Variants in NEDD4L observed in about 807,000 individuals in gnomAD.
The protein encoded by NEDD4L is E3 ubiquitin-protein ligase NEDD4-like.
Under a neutral mutation model 148.9 loss-of-function variants are expected in NEDD4L, and 54 were observed. The observed-to-expected ratio is 0.36, with a 90% CI of 0.29 to 0.45. The LOEUF (loss-of-function observed/expected upper bound fraction) is 0.45. Among genes scored for constraint, NEDD4L ranks in the 20% least tolerant of loss-of-function variants. The pLI, the probability that NEDD4L is intolerant of heterozygous loss-of-function variation, is 1.00. For missense variants in NEDD4L, 856 were observed against 1,233.8 expected, an observed-to-expected ratio of 0.69 and a Z score of 4.59; for synonymous variants, 433 against 440.7, an observed-to-expected ratio of 0.98 and a Z score of 0.22.
chr18:58,380,716 C>G (rs2048228896), intron 24 of NEDD4L, among the ~76,000 whole-genome samples: 1 of 152,136 alleles, frequency 6.6e-6, no homozygotes, highest in African/African-American at 2.4e-5. Flanking sequence ...AATGCTATCC[C>G]TCCCCTAGCC....
At chr18:58,357,123 A>G (rs1333634816) in intron 18 of NEDD4L, 71 bp from the exon 19 acceptor site, 5 of 1,404,278 alleles carry the variant, frequency 3.6e-6, no homozygotes, top group Non-Finnish European at 4.9e-6. Context: ...ACTTCCTTCC[A>G]AAACTTTCTT....
rs532706423 is a variant in NEDD4L at position 58,366,166 on chromosome 18, G to T, written c.2001G>T (p.Trp667Cys). 1.2e-6 allele frequency: 2 copies of T among 1,613,516 alleles called. No individual in the cohort carries two copies. The highest frequency in any genetic ancestry group is 2.2e-5 in the South Asian group (2 of 90,882). ...ACTATGGGGGTGTGGCCAGAGAATG[G>T]TTCTTCTTACTGTCCAAAGAGATGT... ...GLDYGGVARE[W>C]FFLLSKEMFN... The change falls in exon 21 of 31, where the codon TGG becomes TGT. Residue 667 changes from tryptophan to cysteine, a missense_variant. This residue lies in a region of NEDD4L where 286 missense variants were observed against 531.8 expected (regional missense o/e 0.54). Transcript: ENST00000400345. This position sits in a 1 kb window ranked among gnomAD's most constrained non-coding sequence, Gnocchi z 4.2.
At chr18:58,195,481 C>A (rs767867812) in intron 2 of NEDD4L, 7 of 1,343,334 alleles carry the variant, frequency 5.2e-6, no homozygotes, top group East Asian at 4.6e-5. Flanking sequence ...GCTTAAGCCG[C>A]GCGAGGGTGC....
At chr18:58,280,119 GCTGGTCTCAAACTC>G (rs1171791032) in intron 5 of NEDD4L, among the ~76,000 whole-genome samples, 1 of 152,156 alleles carries the variant, frequency 6.6e-6, no homozygotes, top group Admixed American at 6.5e-5. Flanking sequence ...TGTTTCCCGG[GCTGGTCTCAAACTC>G]CTGGGCTCAA....
intron 2 of NEDD4L, among the ~76,000 whole-genome samples, chr18:58,192,735 G>A (rs1307076725): frequency 6.6e-6 from 1 of 152,090 alleles, no homozygotes; most frequent in Non-Finnish European, 1.5e-5. Flanking sequence ...ATCTATTTAT[G>A]TCGAAAGGCA....
At chr18:58,351,496 A>G (rs189064719) in intron 18 of NEDD4L, among the ~76,000 whole-genome samples, 67 of 152,358 alleles carry the variant, frequency 4.4e-4, no homozygotes, top group African/African-American at 1.5e-3. Flanking sequence ...TTTTCTATTC[A>G]CGGCATGTTT....
chr18:58,133,447 A>G (rs758586893), intron 1 of NEDD4L, among the ~76,000 whole-genome samples: 3 of 152,156 alleles, frequency 2.0e-5, no homozygotes, highest in Non-Finnish European at 4.4e-5. Flanking sequence ...GTGCATAGTT[A>G]TTATGCCAGA....
rs2046466295 is a variant in NEDD4L, at chr18:58,369,007, G to T, written c.2185+1140G>T. Among the ~76,000 whole-genome samples the T allele has an allele frequency of 2.6e-5, 4 of 152,202 alleles. No homozygotes were observed. The South Asian group carries it at 8.3e-4, about 31-fold the overall frequency. ...ACCCTCTCTAACAGGGGGTAATAGAGAAGCATAAGATATGATCCTGACCTT... is the reference window on the plus strand; with the variant it reads ...ACCCTCTCTAACAGGGGGTAATAGATAAGCATAAGATATGATCCTGACCTT... On this transcript the variant is annotated intron_variant, in intron 22 of 30. Transcript: ENST00000400345.
chr18:58,389,277 T>C (rs748239479), intron 28 of NEDD4L, 85 bp downstream of exon 28: 145 of 959,518 alleles, frequency 1.5e-4, no homozygotes, highest in Non-Finnish European at 2.0e-4. Flanking sequence ...GTGGTCTGAC[T>C]TCAGGACTGA....
chr18:58,044,569 G>A lies in NEDD4L; in HGVS notation c.-92G>A. 7.1e-7 allele frequency: 1 copy of A among 1,411,858 alleles called. No individual in the cohort carries two copies. Among genetic ancestry groups the A allele is most frequent in the African/African-American group, 1.5e-5 (1 of 67,386 alleles). 87.5% of individuals were successfully genotyped at this position (1,411,858 alleles called of 1,614,324 possible). A position where few individuals can be genotyped will look rare whatever the true frequency, so the allele number is the denominator to read the frequency against. On this transcript the variant is annotated 5_prime_UTR_variant, in exon 1 of 31. Coordinates refer to ENST00000400345, the MANE Select transcript of NEDD4L (RefSeq NM_001144967.3). ...CGTGCGCAGGGTAGGGTGCGGGACC[G>A]GGGGGACCTGGAGGCAGAGGGGAGA...
At chr18:58,333,674 C>A in intron 11 of NEDD4L, 144 bp from the exon 12 acceptor site, 1 of 658,658 alleles carries the variant, frequency 1.5e-6, no homozygotes, top group Non-Finnish European at 2.8e-6. Context: ...GATGACTGTC[C>A]TTGCTCTGAA....
In NEDD4L at chr18:58,044,501, G is replaced by C. The variant is rs1336018257; in HGVS notation, c.-160G>C. On this transcript the variant is annotated 5_prime_UTR_variant, in exon 1 of 31. Transcript: ENST00000400345. The stretch of plus-strand genomic sequence containing the variant: ...CCGGCAGCGTCCAGGGCGCGCTCTC[G>C]GGCACCCTCACCTGCCGGCGCCCGG... 3.0e-6 allele frequency: 3 copies of C among 1,005,256 alleles called. No homozygotes were observed. The highest frequency in any genetic ancestry group is 4.9e-5 in the South Asian group (1 of 20,522). 62.3% of individuals were successfully genotyped at this position (1,005,256 alleles called of 1,614,324 possible). A position where few individuals can be genotyped will look rare whatever the true frequency, so the allele number is the denominator to read the frequency against.
At chr18:58,084,671 T>TGTGTG (rs1555686019) in intron 1 of NEDD4L, among the ~76,000 whole-genome samples, 32 of 133,826 alleles carry the variant, frequency 2.4e-4, no homozygotes, top group East Asian at 4.5e-4. Context: ...TGTGGGGTTT[T>TGTGTG]TGTGTGTGTG....
chr18:58,102,790 G>A (rs1448045216), intron 1 of NEDD4L, among the ~76,000 whole-genome samples: 1 of 152,132 alleles, frequency 6.6e-6, no homozygotes, highest in African/African-American at 2.4e-5. Context: ...TTATGTCAGA[G>A]ACTTGAGGAT....
chr18:58,067,506 T>C (rs2144818918), intron 1 of NEDD4L, among the ~76,000 whole-genome samples: 1 of 152,234 alleles, frequency 6.6e-6, no homozygotes. Flanking sequence ...TGGAGAGAGC[T>C]GCTCTGAGGA....
At chr18:58,059,004 C>T (rs994213051) in intron 1 of NEDD4L, among the ~76,000 whole-genome samples, 2 of 152,214 alleles carry the variant, frequency 1.3e-5, no homozygotes, top group African/African-American at 4.8e-5. Context: ...ATCATGAGGT[C>T]AGTTGGTCAA....
intron 5 of NEDD4L, among the ~76,000 whole-genome samples, chr18:58,289,883 G>A (rs1229694456): frequency 6.6e-6 from 1 of 152,188 alleles, no homozygotes; most frequent in Non-Finnish European, 1.5e-5. Context: ...TCAAGGATCA[G>A]GGTCTCACCC....
chr18:58,307,870 C>T (rs1201378349), intron 5 of NEDD4L, among the ~76,000 whole-genome samples: 6 of 152,176 alleles, frequency 3.9e-5, no homozygotes, highest in African/African-American at 1.2e-4. Flanking sequence ...AGATTAAGAT[C>T]TGTTCTTTGG....
At chr18:58,119,447 G>A (rs145519524) in intron 1 of NEDD4L, among the ~76,000 whole-genome samples, 2 of 152,282 alleles carry the variant, frequency 1.3e-5, no homozygotes, top group East Asian at 1.9e-4. Flanking sequence ...TTCTGGAATC[G>A]CTTATCAGCC....
Sources: allele counts gnomAD v4.1 joint callset (sites outside exome capture counted in the v4.1 genomes callset), GRCh38; gene constraint gnomAD v4.1.1; regional missense constraint gnomAD v4.1.1; non-coding constraint Gnocchi (gnomAD v3.1); transcripts MANE v1.5; gene names NCBI Gene and HGNC (gene_info 2026-07-23, HGNC 2026-07-21).